Variants in NBEAL1 observed in about 807,000 individuals in gnomAD.
NBEAL1 encodes the protein neurobeachin like 1.
A neutral mutation model predicts 351.3 loss-of-function variants in NBEAL1; 273 were observed. That is an observed-to-expected ratio of 0.78 (90% CI 0.70 to 0.86). The LOEUF (loss-of-function observed/expected upper bound fraction) is 0.86. Among genes scored for constraint, NBEAL1 ranks in the 40% least tolerant of loss-of-function variants. The pLI, the probability that NBEAL1 is intolerant of heterozygous loss-of-function variation, is 0.00. For missense variants in NBEAL1, 2,961 were observed against 3,201.3 expected (o/e 0.92, Z 1.81); for synonymous variants, 1,050 against 1,086.4 (o/e 0.97, Z 0.66).
intron 35 of NBEAL1, among the ~76,000 whole-genome samples, chr2:203,155,778 C>T (rs1397103206): frequency 3.3e-5 from 5 of 152,122 alleles, no homozygotes; most frequent in Non-Finnish European, 7.4e-5. Flanking sequence ...AGCTCTGCTG[C>T]TTAACCTCCT....
intron 51 of NBEAL1, among the ~76,000 whole-genome samples, chr2:203,203,461 C>T (rs2065459624): frequency 6.6e-6 from 1 of 152,094 alleles, no homozygotes; most frequent in African/African-American, 2.4e-5. Context: ...AGGTATGAGC[C>T]ACTGTGCCCG....
chr2:203,212,934 A>C (rs2065826272), intron 54 of NBEAL1, among the ~76,000 whole-genome samples: 1 of 152,174 alleles, frequency 6.6e-6, no homozygotes, highest in Non-Finnish European at 1.5e-5. Flanking sequence ...GACTAGAACA[A>C]ATGCCCACTG....
intron 2 of NBEAL1, among the ~76,000 whole-genome samples, chr2:203,033,228 C>T (rs1218551295): frequency 6.6e-6 from 1 of 152,082 alleles, no homozygotes; most frequent in African/African-American, 2.4e-5. Context: ...TCTCGATCTC[C>T]TGACCTCGTG....
Position 203,180,400 on chromosome 2 carries a change from A to T in NBEAL1, c.6483A>T (p.Arg2161=), listed in dbSNP as rs756021714. The T allele has an allele frequency of 6.2e-6, 10 of 1,610,760 alleles. No homozygotes were observed. In the East Asian group the frequency reaches 2.0e-4, roughly 32 times the overall value. The change falls in exon 43 of 56, where the codon CGA becomes CGT. Residue 2161 remains arginine (R), a synonymous_variant. Transcript: ENST00000683969. The part of the protein sequence containing the change: ...LQSGRFDCAD[R]QFHSIPATWQ... ...CATGCAGGTTTGACTGTGCAGATCG[A>T]CAGTTCCATTCTATTCCTGCTACCT...
At chr2:203,180,626 T>C in intron 43 of NBEAL1, 114 bp downstream of exon 43, 1 of 991,332 alleles carries the variant, frequency 1.0e-6, no homozygotes, top group Non-Finnish European at 1.4e-6. Flanking sequence ...TCATTCTGTC[T>C]GTGGATTACT....
Position 203,149,024 on chromosome 2 carries a change from C to T in NBEAL1, c.5338C>T (p.Arg1780Cys), listed in dbSNP as rs201667823. 82 of 1,609,500 alleles carry T rather than the reference C, an allele frequency of 5.1e-5. No individual in the cohort carries two copies. The highest frequency in any genetic ancestry group is 1.6e-4 in the Middle Eastern group (1 of 6,070). The change falls in exon 34 of 56, where the codon CGC becomes TGC. Residue 1780 changes from arginine to cysteine, a missense_variant. Transcript: ENST00000683969. ...TGTGGAGCCATTTAATCGAAAAGCA[C>T]GCCAAGAGAACCTGAGGTATAATAA... ...LFVEPFNRKA[R>C]QENLRYNNML...
chr2:203,132,028 T>C lies in NBEAL1; in HGVS notation c.3620T>C (p.Ile1207Thr). The C allele has an allele frequency of 1.3e-6, 2 of 1,554,806 alleles. No homozygotes were observed. Among genetic ancestry groups the C allele is most frequent in the Non-Finnish European group, 1.7e-6 (2 of 1,147,810 alleles). Residue 1207 changes from isoleucine (I) to threonine (T), a missense_variant, in exon 26 of 56, where the codon ATT (isoleucine) becomes ACT (threonine). Transcript: ENST00000683969. ...GTTTATGAGCGTAGTAAACAACATA[T>C]TCGACTCAGAGAAGTTGGCTACTCG... ...TNVYERSKQH[I>T]RLREVGYSGL...
chr2:203,190,193 C>T (rs1273073011), intron 45 of NBEAL1, 99 bp from the exon 46 acceptor site: 5 of 427,634 alleles, frequency 1.2e-5, no homozygotes, highest in African/African-American at 2.4e-5. Context: ...CACACACACA[C>T]ACACACACAC....
At chr2:203,194,690 AATC>A (rs1234868267) in intron 47 of NBEAL1, among the ~76,000 whole-genome samples, 2 of 152,184 alleles carry the variant, frequency 1.3e-5, no homozygotes, top group Non-Finnish European at 2.9e-5. Flanking sequence ...CTTAAAATGT[AATC>A]ATCTAAAAAT....
chr2:203,084,260 A>G (rs2061924997), intron 9 of NBEAL1, among the ~76,000 whole-genome samples: 1 of 152,166 alleles, frequency 6.6e-6, no homozygotes, highest in East Asian at 1.9e-4. Flanking sequence ...CCTGCCACTC[A>G]CTCATAACGA....
At chr2:203,065,753 G>GAA (rs879711650) in intron 6 of NBEAL1, among the ~76,000 whole-genome samples, 1 of 140,860 alleles carries the variant, frequency 7.1e-6, no homozygotes, top group Admixed American at 7.1e-5. Context: ...CTCTGTCTCA[G>GAA]AAAAAAAAAA....
chr2:203,038,255 C>T (rs1423407227), intron 2 of NBEAL1, among the ~76,000 whole-genome samples: 1 of 148,988 alleles, frequency 6.7e-6, no homozygotes, highest in Non-Finnish European at 1.5e-5. Context: ...AGAGGAATGG[C>T]TGGGCTGTTT....
chr2:203,095,988 C>T (rs903631718), intron 10 of NBEAL1, among the ~76,000 whole-genome samples: 1 of 152,052 alleles, frequency 6.6e-6, no homozygotes, highest in Non-Finnish European at 1.5e-5. Flanking sequence ...AACTCCTGAC[C>T]TCAGGTGATC....
At position 203,218,100 on chromosome 2, in the gene NBEAL1, A is replaced by G. The variant is rs2065916955; in HGVS notation, c.*746A>G. The G allele has an allele frequency of 3.6e-6, 1 of 278,558 alleles. No individual in the cohort carries two copies. Among genetic ancestry groups the G allele is most frequent in the Admixed American group, 6.5e-5 (1 of 15,454 alleles). The allele number at this position is 278,558 out of a possible 1,614,324, so 17.3% of individuals were successfully genotyped here. ...AAGTAGCATTTGCAGCACAATTTGC[A>G]TTTGCAAAGTTCCGAATTTCTTGAC... is the stretch of plus-strand genomic sequence containing the variant. On this transcript the variant is annotated 3_prime_UTR_variant, in exon 56 of 56. Coordinates refer to ENST00000683969, the MANE Select transcript of NBEAL1 (RefSeq NM_001378026.1).
At chr2:203,178,553 G>C (rs2064597803) in intron 42 of NBEAL1, among the ~76,000 whole-genome samples, 1 of 152,068 alleles carries the variant, frequency 6.6e-6, no homozygotes, top group Non-Finnish European at 1.5e-5. Flanking sequence ...CCATACAATG[G>C]AATATTATTT....
chr2:203,097,892 T>C (rs1253475717), intron 11 of NBEAL1, among the ~76,000 whole-genome samples: 1 of 152,190 alleles, frequency 6.6e-6, no homozygotes, highest in Non-Finnish European at 1.5e-5. Flanking sequence ...TGAGGAGATA[T>C]AAAGTACAGG....
rs1489907732 is a variant in NBEAL1 at position 203,083,260 on chromosome 2, T to C, written c.726T>C (p.Val242=). ...CAATTTCTCCAGCCACTATGGAAGT[T>C]CTTATGCGAGTATTGGCAGATTGTG... ...LQAISPATME[V]LMRVLADCDS... is the part of the protein sequence containing the mutation. The change falls in exon 9 of 56, where the codon GTT becomes GTC. Residue 242 remains valine (V), a synonymous_variant. Transcript: ENST00000683969. 1 of 1,552,044 alleles carries C rather than the reference T, an allele frequency of 6.4e-7. No homozygotes were observed. Among genetic ancestry groups the C allele is most frequent in the South Asian group, 1.2e-5 (1 of 84,042 alleles).
rs765497528 is a variant in NBEAL1, at chr2:203,127,843, A to G, written c.3311A>G (p.Tyr1104Cys). The G allele has an allele frequency of 2.6e-6, 4 of 1,541,158 alleles. No homozygotes were observed. Among genetic ancestry groups the G allele is most frequent in the East Asian group, 4.8e-5 (2 of 41,738 alleles). Residue 1104 changes from tyrosine (Y) to cysteine (C), a missense_variant, in exon 24 of 56, where the codon TAT (tyrosine) becomes TGT (cysteine). Tyr to Cys is a radical substitution (Grantham distance 194, BLOSUM62 -2). Transcript: ENST00000683969. ...DDIRTIRTSL[Y>C]GLIKYFLCKG... is the part of the protein sequence containing the mutation. ...ATTCGAACAATAAGGACTTCTTTGT[A>G]TGGACTAATTAAATATTTTCTGTGC...
rs767030595 is a variant in NBEAL1, at chr2:203,166,317, A to G, written c.5863+20A>G. 1.1e-5 allele frequency: 17 copies of G among 1,590,410 alleles called. No individual in the cohort carries two copies. Among genetic ancestry groups the G allele is most frequent in the Admixed American group, 1.9e-5 (1 of 52,436 alleles). On this transcript the variant is annotated intron_variant, in intron 37 of 55. Transcript: ENST00000683969. ...AAGATGGTGAGGAGTTCTGGAAAAA[A>G]TAATTTTTGCTGTTCAATAATTAAG...
Sources: allele counts gnomAD v4.1 joint callset (sites outside exome capture counted in the v4.1 genomes callset), GRCh38; gene constraint gnomAD v4.1.1; transcripts MANE v1.5; gene names NCBI Gene and HGNC (gene_info 2026-07-23, HGNC 2026-07-21).